Variants in ODAD2 observed in about 807,000 individuals in gnomAD.
The protein encoded by ODAD2 is outer dynein arm-docking complex subunit 2.
In ODAD2, 89 loss-of-function variants were observed where a neutral mutation model predicts 106.8. The observed-to-expected ratio is 0.83, with a 90% CI of 0.70 to 0.99. ODAD2 has a LOEUF of 0.99. Ranked by LOEUF, ODAD2 falls within the 50% of genes least tolerant of loss-of-function variation. The pLI is 0.00. For missense variants in ODAD2, 1,168 were observed against 1,238.5 expected, an observed-to-expected ratio of 0.94 and a Z score of 0.85; for synonymous variants, 404 against 436.2, an observed-to-expected ratio of 0.93 and a Z score of 0.92.
chr10:27,961,062 A>G (rs1588616278), intron 10 of ODAD2, among the ~76,000 whole-genome samples: 2 of 152,242 alleles, frequency 1.3e-5, no homozygotes, highest in South Asian at 4.1e-4. Flanking sequence ...TCCACACTAT[A>G]AGCACCCACA....
intron 10 of ODAD2, among the ~76,000 whole-genome samples, chr10:27,948,249 T>A (rs1847079728): frequency 6.6e-6 from 1 of 151,820 alleles, no homozygotes. Flanking sequence ...CTTGAGGGAT[T>A]TTTTTTTAGA....
chr10:27,962,681 C>G (rs1394566624), intron 9 of ODAD2, among the ~76,000 whole-genome samples: 1 of 152,216 alleles, frequency 6.6e-6, no homozygotes. Flanking sequence ...AACAGTATTA[C>G]AAGAGACTTC....
chr10:27,995,616 T>C (rs1162432991), intron 1 of ODAD2: 1 of 158,080 alleles, frequency 6.3e-6, no homozygotes, highest in African/African-American at 2.4e-5. Context: ...AATTACACTA[T>C]TAAACTGAAT....
At chr10:27,981,014 C>T (rs961120885) in intron 7 of ODAD2, among the ~76,000 whole-genome samples, 10 of 152,122 alleles carry the variant, frequency 6.6e-5, no homozygotes, top group African/African-American at 2.4e-4. Context: ...AATTCTGATA[C>T]ATGCTATAGC....
At chr10:27,901,211 C>G (rs980649539) in intron 17 of ODAD2, among the ~76,000 whole-genome samples, 1 of 152,150 alleles carries the variant, frequency 6.6e-6, no homozygotes, top group African/African-American at 2.4e-5. Context: ...TCCAGCCAAA[C>G]TAAGCTTCAT....
intron 10 of ODAD2, among the ~76,000 whole-genome samples, chr10:27,947,477 A>G (rs577536611): frequency 1.3e-5 from 2 of 152,266 alleles, no homozygotes; most frequent in African/African-American, 4.8e-5. Context: ...AAATAATAAT[A>G]ATAAAGGAGA....
intron 17 of ODAD2, among the ~76,000 whole-genome samples, chr10:27,891,691 A>G (rs377434173): frequency 1.3e-5 from 2 of 152,116 alleles, no homozygotes; most frequent in South Asian, 4.1e-4. Flanking sequence ...AACTTTTAAA[A>G]ACTCATTAAT....
intron 19 of ODAD2, among the ~76,000 whole-genome samples, chr10:27,858,802 CAT>C (rs1491381394): frequency 1.8e-4 from 12 of 65,184 alleles, no homozygotes; most frequent in African/African-American, 6.2e-4. Context: ...CACCTTAGTA[CAT>C]TTTTTTTTTT....
Position 27,944,296 on chromosome 10 carries a change from C to A in ODAD2, c.1669G>T (p.Glu557Ter), listed in dbSNP as rs145742175. 7.9e-5 allele frequency: 128 copies of A among 1,613,916 alleles called. No homozygotes were observed. Among genetic ancestry groups the A allele is most frequent in the Non-Finnish European group, 1.0e-4 (119 of 1,180,016 alleles). Residue 557 changes from glutamate (E) to a stop codon, truncating the protein, a stop_gained, in exon 12 of 20, where the codon GAG becomes TAG. Transcript: ENST00000305242. LOFTEE classifies it high-confidence loss of function. ...PHKSLKCLAA[E>*]TIANVAKFKR... ...AACTTGGCAACATTCGCGATAGTCTCGGCTGCCAAACATTTTAGACTCTTG... is the reference window on the plus strand; with the variant it reads ...AACTTGGCAACATTCGCGATAGTCTAGGCTGCCAAACATTTTAGACTCTTG...
At chr10:27,886,238 G>A (rs1192408499) in intron 17 of ODAD2, among the ~76,000 whole-genome samples, 2 of 151,042 alleles carry the variant, frequency 1.3e-5, no homozygotes, top group Non-Finnish European at 3.0e-5. Flanking sequence ...TCCCCTAGTT[G>A]TTGAAAGACA....
At chr10:27,872,933 C>A (rs1440698096) in intron 17 of ODAD2, among the ~76,000 whole-genome samples, 1 of 152,062 alleles carries the variant, frequency 6.6e-6, no homozygotes, top group South Asian at 2.1e-4. Context: ...AAGGAATGGT[C>A]CCCGCTCCTC....
At chr10:27,986,947 A>C (rs968108881) in intron 3 of ODAD2, among the ~76,000 whole-genome samples, 1 of 152,242 alleles carries the variant, frequency 6.6e-6, no homozygotes, top group Admixed American at 6.5e-5. Context: ...CTAAAGAAAG[A>C]GCCTACATTC....
intron 10 of ODAD2, chr10:27,958,936 A>G (rs1847916393): frequency 2.3e-6 from 3 of 1,303,796 alleles, no homozygotes; most frequent in African/African-American, 1.5e-5. Flanking sequence ...TTCCTGATCC[A>G]TCTTTTGTTT....
chr10:27,972,087 G>A (rs933481002), intron 7 of ODAD2, among the ~76,000 whole-genome samples: 2 of 152,076 alleles, frequency 1.3e-5, no homozygotes, highest in African/African-American at 2.4e-5. Flanking sequence ...TAGTAACAAC[G>A]TTTTGAGGGG....
rs1850466290 is a variant in ODAD2 at position 27,994,975 on chromosome 10, T to C, written c.168A>G (p.Pro56=). 6.2e-7 allele frequency: 1 copy of C among 1,614,210 alleles called. No homozygotes were observed. The highest frequency in any genetic ancestry group is 8.5e-7 in the Non-Finnish European group (1 of 1,180,034). The change falls in exon 2 of 20, where the codon CCA becomes CCG. Residue 56 remains proline (P), a synonymous_variant. Transcript: ENST00000305242. ...PQEAKFVFVE[P]LEWNTSLAPS... ...GCGCCAAACTTGTGTTCCATTCAAG[T>C]GGTTCCACAAAAACAAATTTTGCCT...
chr10:27,941,663 A>G (rs1019035817), intron 12 of ODAD2, among the ~76,000 whole-genome samples: 4 of 144,464 alleles, frequency 2.8e-5, no homozygotes, highest in Middle Eastern at 3.6e-3. Context: ...GCAATTTACT[A>G]TAAGGATTAA....
At chr10:27,972,462 C>G (rs1848923167) in intron 7 of ODAD2, among the ~76,000 whole-genome samples, 1 of 152,068 alleles carries the variant, frequency 6.6e-6, no homozygotes, top group Non-Finnish European at 1.5e-5. Context: ...AGTGTTTACA[C>G]ACATCAATTA....
chr10:27,858,846 C>T (rs1208854481), intron 19 of ODAD2, among the ~76,000 whole-genome samples: 2 of 149,814 alleles, frequency 1.3e-5, no homozygotes, highest in Non-Finnish European at 3.0e-5. Context: ...CTCTATCACC[C>T]AGGCTGGAGT....
Position 27,944,389 on chromosome 10 carries a change from G to A in ODAD2, c.1576C>T (p.Gln526Ter). ...AGGTCAACAATATTCTGTCTGATTT[G>A]AGGATTATGACTGATTTCCTTCAGT... ...KILKEISHNP[Q>*]IRQNIVDLGG... Residue 526 changes from glutamine (Q) to a stop codon, truncating the protein, a stop_gained, in exon 12 of 20, where the codon CAA becomes TAA. Transcript: ENST00000305242. LOFTEE classifies it high-confidence loss of function. 6.2e-7 allele frequency: 1 copy of A among 1,613,988 alleles called. No homozygotes were observed. The highest frequency in any genetic ancestry group is 8.5e-7 in the Non-Finnish European group (1 of 1,179,934).
Sources: gnomAD v4.1 joint callset for allele counts (sites outside exome capture counted in the v4.1 genomes callset) on GRCh38, gnomAD v4.1.1 for gene constraint, MANE v1.5 for transcripts, NCBI Gene and HGNC (gene_info 2026-07-23, HGNC 2026-07-21) for gene names.